The following EYA4 variants were observed in gnomAD, a reference collection of about 807,000 sequenced individuals.
The protein encoded by EYA4 is protein phosphatase EYA4.
In EYA4, 31 loss-of-function variants were observed where a neutral mutation model predicts 87.9. That is an observed-to-expected ratio of 0.35 (90% confidence interval 0.27 to 0.48). The LOEUF is 0.48. Ranked by LOEUF, EYA4 falls within the 20% of genes least tolerant of loss-of-function variation. EYA4 has a pLI of 0.99. For missense variants in EYA4, 678 were observed against 761.4 expected (o/e 0.89, Z 1.29); for synonymous variants, 263 against 270.6 (o/e 0.97, Z 0.28).
At chr6:133,488,753 C>T (rs1796890744) in intron 13 of EYA4, among the ~76,000 whole-genome samples, 1 of 152,158 alleles carries the variant, frequency 6.6e-6, no homozygotes, top group Non-Finnish European at 1.5e-5. Context: ...GATCACAACA[C>T]CCAAGTTCCT....
intron 2 of EYA4, among the ~76,000 whole-genome samples, chr6:133,277,137 G>A (rs866244635): frequency 2.0e-5 from 3 of 152,254 alleles, no homozygotes; most frequent in South Asian, 4.1e-4. Context: ...AGTTCAAGAG[G>A]GATTCTTTGG....
At chr6:133,485,128 C>T (rs1056535984) in intron 13 of EYA4, among the ~76,000 whole-genome samples, 2 of 152,226 alleles carry the variant, frequency 1.3e-5, no homozygotes. Context: ...TTCAACTTCT[C>T]TCAGCACTGC....
chr6:133,522,952 G>A (rs1800312408), intron 17 of EYA4, 104 bp from the exon 18 acceptor site: 9 of 944,890 alleles, frequency 9.5e-6, no homozygotes, highest in Non-Finnish European at 1.5e-5. Flanking sequence ...AATTTTGAAA[G>A]GGACCATTAA....
intron 13 of EYA4, among the ~76,000 whole-genome samples, chr6:133,498,983 T>C (rs916128576): frequency 6.6e-6 from 1 of 152,246 alleles, no homozygotes; most frequent in Non-Finnish European, 1.5e-5. Flanking sequence ...GCTGGAATTA[T>C]GTTAGAAAAG....
chr6:133,512,255 A>G (rs1182942814), intron 14 of EYA4, among the ~76,000 whole-genome samples: 1 of 152,186 alleles, frequency 6.6e-6, no homozygotes, highest in African/African-American at 2.4e-5. Context: ...GAAATTCCAC[A>G]GGACACCATA....
intron 2 of EYA4, among the ~76,000 whole-genome samples, chr6:133,298,828 T>G (rs2128309789): frequency 6.6e-6 from 1 of 152,306 alleles, no homozygotes; most frequent in South Asian, 2.1e-4. Context: ...CAGAAATAAT[T>G]TCATGCGGTT....
intron 3 of EYA4, among the ~76,000 whole-genome samples, chr6:133,422,700 A>G (rs1432043523): frequency 1.3e-5 from 2 of 152,258 alleles, no homozygotes; most frequent in Non-Finnish European, 2.9e-5. Flanking sequence ...TGTGCATTCA[A>G]TAATAACATT....
chr6:133,531,014 C>CT lies in EYA4; in HGVS notation c.*2212dup, dbSNP rs1800979219. 7.3e-7 allele frequency: 1 copy of CT among 1,370,306 alleles called. No individual in the cohort carries two copies. Among genetic ancestry groups the CT allele is most frequent in the African/African-American group, 1.5e-5 (1 of 68,456 alleles). The allele number at this position is 1,370,306 out of a possible 1,614,324, so 84.9% of individuals were successfully genotyped here. A position where few individuals can be genotyped will look rare whatever the true frequency, so the allele number is the denominator to read the frequency against. On this transcript the variant is annotated 3_prime_UTR_variant, in exon 20 of 20. Transcript: ENST00000355286. ...ATTATCTTTACTGTATAGCTGGTTTCTTTAAATGTTGATAGAATTGTGGCA... is the reference window on the plus strand; with the variant it reads ...ATTATCTTTACTGTATAGCTGGTTTCTTTTAAATGTTGATAGAATTGTGGCA...
At chr6:133,317,153 T>G (rs1414128397) in intron 2 of EYA4, among the ~76,000 whole-genome samples, 1 of 152,176 alleles carries the variant, frequency 6.6e-6, no homozygotes, top group African/African-American at 2.4e-5. Context: ...TCTCTTGGCT[T>G]ATCAAAAAGT....
chr6:133,363,148 A>G (rs1784580378), intron 2 of EYA4: 2 of 152,324 alleles, frequency 1.3e-5, no homozygotes, highest in Admixed American at 1.3e-4. Context: ...CTTTGTTCCA[A>G]TTAGTGTGTC....
chr6:133,447,219 C>T (rs1792938428), intron 4 of EYA4, among the ~76,000 whole-genome samples: 2 of 152,190 alleles, frequency 1.3e-5, no homozygotes, highest in South Asian at 4.1e-4. Context: ...TACAAAAATA[C>T]TCATATCTGC....
intron 2 of EYA4, among the ~76,000 whole-genome samples, chr6:133,310,455 A>C (rs570671127): frequency 2.6e-5 from 4 of 152,342 alleles, no homozygotes; most frequent in African/African-American, 9.6e-5. Flanking sequence ...GCTAGGATAC[A>C]GATTTAGTTT....
intron 19 of EYA4, 85 bp from the exon 20 acceptor site, chr6:133,528,640 T>C (rs1300526379): frequency 3.0e-6 from 3 of 985,136 alleles, no homozygotes; most frequent in Non-Finnish European, 4.9e-6. Flanking sequence ...GTGCTGCTGC[T>C]TCATTGAGAC....
In EYA4 at chr6:133,249,605, A is replaced by G. The variant is rs76907926; in HGVS notation, c.-66+7856A>G. Reference sequence around the variant, plus strand: ...CACAACAACTCTCTTTTCCAGCTGTATGGAAAACTGCAGTTCTCAAATACA... The same window carrying G: ...CACAACAACTCTCTTTTCCAGCTGTGTGGAAAACTGCAGTTCTCAAATACA... On this transcript the variant is annotated intron_variant, in intron 1 of 19. Transcript: ENST00000355286. 3.0e-4 allele frequency among the ~76,000 whole-genome samples: 46 copies of G among 152,314 alleles called. No individual in the cohort carries two copies. The East Asian group carries it at 8.7e-3, about 29-fold the overall frequency.
rs111992628 is a variant in EYA4 at position 133,374,055 on chromosome 6, G to T, written c.34-8337G>T. On this transcript the variant is annotated intron_variant, in intron 2 of 19. Coordinates refer to ENST00000355286, the MANE Select transcript of EYA4 (RefSeq NM_004100.5). ...TAAAGCCGATATGGCATTTATGGCA[G>T]GTGAAAAAGGACTGTGGCATAGATA... Among the ~76,000 whole-genome samples the T allele has an allele frequency of 1.7e-4, 26 of 152,156 alleles. 1 individual carries two copies. The highest frequency in any genetic ancestry group is 8.3e-4 in the South Asian group (4 of 4,826).
At chr6:133,489,820 T>TA (rs1449916696) in intron 13 of EYA4, among the ~76,000 whole-genome samples, 1 of 152,096 alleles carries the variant, frequency 6.6e-6, no homozygotes, top group Non-Finnish European at 1.5e-5. Flanking sequence ...CATCTGAAGG[T>TA]AAAAAACTCA....
chr6:133,525,832 G>T (rs1279163703), intron 19 of EYA4: 1 of 885,512 alleles, frequency 1.1e-6, no homozygotes, highest in African/African-American at 1.8e-5. Flanking sequence ...TGCTACAAGA[G>T]ATTTTAATAA....
Position 133,529,533 on chromosome 6 carries a change from A to C in EYA4, c.*728A>C, listed in dbSNP as rs1200713225. The C allele has an allele frequency of 1.5e-5, 15 of 980,888 alleles. No individual in the cohort carries two copies. In the East Asian group the frequency reaches 3.4e-4, roughly 22 times the overall value. 60.8% of individuals were successfully genotyped at this position (980,888 alleles called of 1,614,324 possible). On this transcript the variant is annotated 3_prime_UTR_variant, in exon 20 of 20. Transcript: ENST00000355286. The stretch of plus-strand genomic sequence containing the variant: ...TCTCTGTAGATAATGAAAAAAAACA[A>C]AAAAAAAAACCTTTGTGATGATTCT...
chr6:133,503,591 A>AC (rs898723390), intron 13 of EYA4, among the ~76,000 whole-genome samples: 2 of 152,178 alleles, frequency 1.3e-5, no homozygotes, highest in African/African-American at 4.8e-5. Flanking sequence ...ATATGTTTTC[A>AC]TGCTATAATT....
Sources: gnomAD v4.1 joint callset for allele counts (sites outside exome capture counted in the v4.1 genomes callset) on GRCh38, gnomAD v4.1.1 for gene constraint, MANE v1.5 for transcripts, NCBI Gene and HGNC (gene_info 2026-07-23, HGNC 2026-07-21) for gene names.